CPHXL2: variants seen among roughly 807,000 people sequenced by gnomAD.
CPHXL2 encodes the protein cytoplasmic polyadenylated homeobox-like protein 2.
the CPHXL2 span, among the ~76,000 whole-genome samples, chr16:75,668,355 G>C: frequency 6.6e-6 from 1 of 151,254 alleles, no homozygotes; most frequent in Non-Finnish European, 1.5e-5. Flanking sequence ...CAGCCTCCCA[G>C]GTAGCTGAGA....
the CPHXL2 span, among the ~76,000 whole-genome samples, chr16:75,661,928 A>G: frequency 6.6e-6 from 1 of 152,208 alleles, no homozygotes; most frequent in Non-Finnish European, 1.5e-5. Flanking sequence ...TCAGTTCTGC[A>G]GTGCACACCA....
chr16:75,667,859 T>A, the CPHXL2 span, among the ~76,000 whole-genome samples: 5 of 152,258 alleles, frequency 3.3e-5, no homozygotes, highest in Admixed American at 6.5e-5. Flanking sequence ...GGTCCCCTCC[T>A]TAGTAAAAGG....
chr16:75,662,281 G>C, the CPHXL2 span, among the ~76,000 whole-genome samples: 1 of 151,028 alleles, frequency 6.6e-6, no homozygotes, highest in Middle Eastern at 3.4e-3. Context: ...CACATGTTCA[G>C]CTATCTGGAA....
chr16:75,661,405 A>T, the CPHXL2 span, among the ~76,000 whole-genome samples: 1 of 152,184 alleles, frequency 6.6e-6, no homozygotes, highest in Non-Finnish European at 1.5e-5. Context: ...AAATAAGACA[A>T]TCTCCCTAGA....
chr16:75,669,027 G>C, the CPHXL2 span, among the ~76,000 whole-genome samples: 1 of 151,952 alleles, frequency 6.6e-6, no homozygotes, highest in Non-Finnish European at 1.5e-5. Flanking sequence ...TAATTTTCTA[G>C]GAAATGGCTG....
chr16:75,660,493 G>A, the CPHXL2 span: 13 of 398,484 alleles, frequency 3.3e-5, no homozygotes, highest in Non-Finnish European at 2.7e-5. Flanking sequence ...TGAGCCGAGG[G>A]CCACTGCTTC....
the CPHXL2 span, among the ~76,000 whole-genome samples, chr16:75,666,803 T>G: frequency 1.3e-5 from 2 of 152,078 alleles, no homozygotes; most frequent in African/African-American, 2.4e-5. Flanking sequence ...ACATGGAATT[T>G]TCTCCAAGAT....
chr16:75,670,677 G>A, the CPHXL2 span, among the ~76,000 whole-genome samples: 2 of 152,070 alleles, frequency 1.3e-5, no homozygotes, highest in African/African-American at 4.8e-5. Context: ...TGTATTTTTA[G>A]CAGAAATGAG....
At chr16:75,672,219 T>G in the CPHXL2 span, among the ~76,000 whole-genome samples, 2 of 151,166 alleles carry the variant, frequency 1.3e-5, no homozygotes, top group African/African-American at 4.9e-5. Context: ...GCGGAGATTT[T>G]AGTGAGCCTA....
chr16:75,670,811 T>G, the CPHXL2 span, among the ~76,000 whole-genome samples: 1 of 152,216 alleles, frequency 6.6e-6, no homozygotes. Flanking sequence ...ATTTTATTTT[T>G]TAATAGCCTT....
the CPHXL2 span, among the ~76,000 whole-genome samples, chr16:75,674,392 AAAG>A: frequency 4.6e-5 from 7 of 151,686 alleles, no homozygotes; most frequent in East Asian, 9.7e-4. Flanking sequence ...AAAAAAAAAA[AAAG>A]AAGTGCAAAA....
At chr16:75,664,640 AAAG>A in the CPHXL2 span, among the ~76,000 whole-genome samples, 48 of 150,554 alleles carry the variant, frequency 3.2e-4, no homozygotes, top group South Asian at 4.2e-4. Flanking sequence ...AAAAAAAAAA[AAAG>A]AAAGAAAGAA....
At chr16:75,661,447 A>G in the CPHXL2 span, among the ~76,000 whole-genome samples, 1 of 152,124 alleles carries the variant, frequency 6.6e-6, no homozygotes, top group Non-Finnish European at 1.5e-5. Context: ...GTCATGCATC[A>G]TGCATTTCTA....
At chr16:75,673,949 C>T in the CPHXL2 span, among the ~76,000 whole-genome samples, 1 of 144,398 alleles carries the variant, frequency 6.9e-6, no homozygotes, top group African/African-American at 2.6e-5. Flanking sequence ...CACTGCACTC[C>T]AGCCTGGGTG....
the CPHXL2 span, among the ~76,000 whole-genome samples, chr16:75,676,292 A>G: frequency 1.3e-5 from 2 of 152,060 alleles, no homozygotes; most frequent in East Asian, 1.9e-4. Flanking sequence ...AAAAACTGCC[A>G]TATTTGTGAG....
At chr16:75,673,784 G>C in the CPHXL2 span, among the ~76,000 whole-genome samples, 2 of 151,322 alleles carry the variant, frequency 1.3e-5, no homozygotes, top group South Asian at 2.1e-4. Context: ...TTTGAGATCA[G>C]CCTGGGCAAC....
the CPHXL2 span, among the ~76,000 whole-genome samples, chr16:75,663,595 T>C: frequency 1.3e-5 from 2 of 152,034 alleles, no homozygotes; most frequent in Non-Finnish European, 2.9e-5. Flanking sequence ...ATAAGAAACA[T>C]AGAACAAGGT....
At chr16:75,669,356 A>G in the CPHXL2 span, 57 of 400,524 alleles carry the variant, frequency 1.4e-4, no homozygotes, top group African/African-American at 9.6e-4. Flanking sequence ...TACGAGGTTG[A>G]ACTTACGTTT....
the CPHXL2 span, chr16:75,676,865 A>G: frequency 5.0e-6 from 2 of 397,950 alleles, no homozygotes; most frequent in Non-Finnish European, 8.9e-6. Flanking sequence ...AATAATATCA[A>G]ACTGACTGCC....
Sources: allele counts gnomAD v4.1 joint callset (sites outside exome capture counted in the v4.1 genomes callset), GRCh38; gene constraint gnomAD v4.1.1; transcripts MANE v1.5; gene names NCBI Gene and HGNC (gene_info 2026-07-23, HGNC 2026-07-21).